The following RICTOR variants were observed in gnomAD, a reference collection of about 807,000 sequenced individuals.
The protein encoded by RICTOR is rapamycin-insensitive companion of mTOR.
Under a neutral mutation model 214.9 loss-of-function variants are expected in RICTOR, and 49 were observed. That is an observed-to-expected ratio of 0.23 (90% confidence interval 0.18 to 0.29). The LOEUF is 0.29. Ranked by LOEUF, RICTOR falls within the 10% of genes least tolerant of loss-of-function variation. RICTOR has a pLI of 1.00. For missense variants in RICTOR, 1,625 were observed against 2,047.0 expected (o/e 0.79, Z 3.98); for synonymous variants, 717 against 711.3 (o/e 1.01, Z -0.13).
At chr5:39,004,118 T>C (rs1199924336) in intron 3 of RICTOR, among the ~76,000 whole-genome samples, 1 of 152,206 alleles carries the variant, frequency 6.6e-6, no homozygotes, top group Non-Finnish European at 1.5e-5. Flanking sequence ...TCAGTTTATA[T>C]TTATTCACAT....
At chr5:39,055,495 T>C (rs528645319) in intron 2 of RICTOR, among the ~76,000 whole-genome samples, 2 of 140,432 alleles carry the variant, frequency 1.4e-5, no homozygotes, top group African/African-American at 2.7e-5. Flanking sequence ...TCTGCACTCA[T>C]GTGTTTACTG....
rs144485062 is a variant in RICTOR, at chr5:38,991,842, A to G, written c.457-767T>C. 1.1e-3 allele frequency among the ~76,000 whole-genome samples: 170 copies of G among 152,250 alleles called. 1 individual carries two copies. Among genetic ancestry groups the G allele is most frequent in the African/African-American group, 3.9e-3 (161 of 41,558 alleles). ...TGTAGCTAATTACTGTTTAATAAAT[A>G]AAGACTATTTTGCAAATTAATTCAA... On this transcript the variant is annotated intron_variant, in intron 6 of 37. Coordinates refer to ENST00000357387, the MANE Select transcript of RICTOR (RefSeq NM_152756.5).
At chr5:39,022,390 T>G (rs1428543640) in intron 2 of RICTOR, 1 of 154,046 alleles carries the variant, frequency 6.5e-6, no homozygotes, top group Non-Finnish European at 1.5e-5. Flanking sequence ...CCACCCAGCC[T>G]TCCCAGGCCT....
chr5:39,060,511 T>C (rs1415301762), intron 2 of RICTOR, among the ~76,000 whole-genome samples: 3 of 151,934 alleles, frequency 2.0e-5, no homozygotes, highest in African/African-American at 7.2e-5. Flanking sequence ...CGGTGAGGTA[T>C]TACAGAGGGT....
intron 2 of RICTOR, among the ~76,000 whole-genome samples, chr5:39,034,021 T>A (rs1756468676): frequency 6.6e-6 from 1 of 152,152 alleles, no homozygotes; most frequent in Admixed American, 6.5e-5. Context: ...AAACAATTGC[T>A]CACTTTGAAT....
At chr5:38,971,713 T>C (rs1750804315) in intron 11 of RICTOR, 164 bp downstream of exon 11, 1 of 518,642 alleles carries the variant, frequency 1.9e-6, no homozygotes, top group African/African-American at 2.0e-5. Flanking sequence ...CCTATTATAT[T>C]TAGGGTTTAA....
chr5:38,953,465 G>T lies in RICTOR; in HGVS notation c.2786C>A (p.Ala929Asp). The T allele has an allele frequency of 7.0e-7, 1 of 1,427,514 alleles. No individual in the cohort carries two copies. The highest frequency in any genetic ancestry group is 9.4e-7 in the Non-Finnish European group (1 of 1,061,048). 88.4% of individuals were successfully genotyped at this position (1,427,514 alleles called of 1,614,324 possible). The part of the protein sequence containing the change: ...EIKKLKASLW[A>D]LGNIGSSNWG... Reference sequence around the variant, plus strand: ...ACAGAAGTGTTTATTACAAACCAAGGCCCAAAGAGATGCTTTCAGTTTTTT... The same window carrying T: ...ACAGAAGTGTTTATTACAAACCAAGTCCCAAAGAGATGCTTTCAGTTTTTT... The change falls in exon 28 of 38, where the codon GCC becomes GAC. Residue 929 changes from alanine (A) to aspartate (D), a missense_variant. By Grantham distance (126) the Ala-to-Asp change is moderately radical. Coordinates refer to ENST00000357387, the MANE Select transcript of RICTOR (RefSeq NM_152756.5).
intron 2 of RICTOR, among the ~76,000 whole-genome samples, chr5:39,051,706 T>C (rs541655490): frequency 2.0e-5 from 3 of 152,010 alleles, no homozygotes; most frequent in African/African-American, 7.2e-5. Context: ...TGAGCCAAGA[T>C]CACGCCATTG....
intron 31 of RICTOR, among the ~76,000 whole-genome samples, chr5:38,948,872 A>G (rs1352774161): frequency 6.6e-6 from 1 of 152,120 alleles, no homozygotes; most frequent in Non-Finnish European, 1.5e-5. Flanking sequence ...AATGTTATTA[A>G]GAATAATGTA....
At chr5:38,963,485 G>C (rs1281186220) in intron 16 of RICTOR, among the ~76,000 whole-genome samples, 2 of 151,832 alleles carry the variant, frequency 1.3e-5, no homozygotes, top group East Asian at 1.9e-4. Context: ...CAACTGAACA[G>C]TCTCTATTTT....
At chr5:38,999,801 T>C (rs1227944196) in intron 5 of RICTOR, among the ~76,000 whole-genome samples, 1 of 151,774 alleles carries the variant, frequency 6.6e-6, no homozygotes, top group Non-Finnish European at 1.5e-5. Flanking sequence ...TAGACATAAA[T>C]AGTCTAAATA....
chr5:38,959,078 A>C, intron 22 of RICTOR, 117 bp downstream of exon 22: 1 of 858,034 alleles, frequency 1.2e-6, no homozygotes. Context: ...CTAAAATTTT[A>C]AAGTAAACTC....
chr5:38,946,657 C>T, intron 32 of RICTOR, 105 bp from the exon 33 acceptor site: 1 of 678,744 alleles, frequency 1.5e-6, no homozygotes, highest in Non-Finnish European at 2.6e-6. Flanking sequence ...ATTACCATAG[C>T]ATATGAACCT....
chr5:38,944,114 C>T, intron 36 of RICTOR: 1 of 413,906 alleles, frequency 2.4e-6, no homozygotes, highest in Non-Finnish European at 4.6e-6. Flanking sequence ...AAATCCATTA[C>T]ATGTTAACAT....
At chr5:38,997,065 T>C (rs1036152368) in intron 5 of RICTOR, among the ~76,000 whole-genome samples, 183 bp from the exon 6 acceptor site, 1 of 152,138 alleles carries the variant, frequency 6.6e-6, no homozygotes, top group Non-Finnish European at 1.5e-5. Context: ...GGGATAAATA[T>C]CTGTCATTTA....
chr5:39,066,423 G>A lies in RICTOR; in HGVS notation c.97+7688C>T, dbSNP rs559645730. ...TATGATGAGAGGGGCTGCTGTGAAG[G>A]TTTCTAAAATGCCTTGAAGGCCTTT... On this transcript the variant is annotated intron_variant, in intron 2 of 37. Transcript: ENST00000357387. 2.0e-5 allele frequency among the ~76,000 whole-genome samples: 3 copies of A among 152,306 alleles called. No homozygotes were observed. The South Asian group carries it at 6.2e-4, about 32-fold the overall frequency.
intron 14 of RICTOR, chr5:38,966,943 G>A (rs1158314540): frequency 1.7e-6 from 1 of 605,528 alleles, no homozygotes; most frequent in Non-Finnish European, 2.9e-6. Flanking sequence ...TGGGACTACA[G>A]GGGTATGCCA....
At chr5:39,026,925 T>C (rs557324327) in intron 2 of RICTOR, among the ~76,000 whole-genome samples, 4 of 152,100 alleles carry the variant, frequency 2.6e-5, no homozygotes, top group South Asian at 2.1e-4. Flanking sequence ...GGAGAATCAC[T>C]TGAACCCGGG....
chr5:38,987,067 A>G (rs1483107358), intron 7 of RICTOR, among the ~76,000 whole-genome samples: 2 of 152,146 alleles, frequency 1.3e-5, no homozygotes, highest in East Asian at 1.9e-4. Flanking sequence ...CATCCCAGGG[A>G]TGTGGCCAAC....
Sources: gnomAD v4.1 joint callset for allele counts (sites outside exome capture counted in the v4.1 genomes callset) on GRCh38, gnomAD v4.1.1 for gene constraint, MANE v1.5 for transcripts, NCBI Gene and HGNC (gene_info 2026-07-23, HGNC 2026-07-21) for gene names.